ROBO1: variants seen among roughly 807,000 people sequenced by gnomAD.
ROBO1 encodes roundabout guidance receptor 1.
A neutral mutation model predicts 195.9 loss-of-function variants in ROBO1; 149 were observed. That is an observed-to-expected ratio of 0.76 (90% confidence interval 0.67 to 0.87). The LOEUF (loss-of-function observed/expected upper bound fraction) is 0.87. Among genes scored for constraint, ROBO1 ranks in the 40% least tolerant of loss-of-function variants. ROBO1 has a pLI of 0.00. For synonymous variants in ROBO1, 816 were observed against 733.2 expected (o/e 1.11, Z -1.82); for missense variants, 1,933 against 2,068.3 (o/e 0.93, Z 1.27).
chr3:78,709,231 A>G (rs1010527910), intron 8 of ROBO1, among the ~76,000 whole-genome samples: 2 of 152,198 alleles, frequency 1.3e-5, no homozygotes, highest in Non-Finnish European at 2.9e-5. Flanking sequence ...TATCCCAAAC[A>G]GCATTGTTTC....
At chr3:79,337,567 C>T (rs79468872) in intron 2 of ROBO1, among the ~76,000 whole-genome samples, 1 of 152,184 alleles carries the variant, frequency 6.6e-6, no homozygotes, top group Non-Finnish European at 1.5e-5. Context: ...GTCAATTAAA[C>T]CTCTTTCCTT....
chr3:78,638,451 T>C (rs949125440), intron 22 of ROBO1, among the ~76,000 whole-genome samples: 3 of 151,910 alleles, frequency 2.0e-5, no homozygotes, highest in Non-Finnish European at 4.4e-5. Flanking sequence ...CTGTTGTAGA[T>C]TATTATTATT....
rs535639662 is a variant in ROBO1, at chr3:78,945,643, C to A, written c.173-6716G>T. 3.9e-5 allele frequency among the ~76,000 whole-genome samples: 6 copies of A among 152,246 alleles called. No individual in the cohort carries two copies. In the South Asian group the frequency reaches 1.0e-3, roughly 26 times the overall value. ...TCCTCCAAAGGAATGCAGCTCCTCA[C>A]CAGCAACGGAACAAAACTGGATGGA... is the stretch of plus-strand genomic sequence containing the variant. On this transcript the variant is annotated intron_variant, in intron 3 of 30. Transcript: ENST00000464233.
At chr3:78,848,701 T>C (rs936838830) in intron 4 of ROBO1, among the ~76,000 whole-genome samples, 42 of 152,150 alleles carry the variant, frequency 2.8e-4, no homozygotes, top group African/African-American at 9.4e-4. Flanking sequence ...GCGATCATTA[T>C]CAGGTTTGTA....
chr3:79,019,567 T>C lies in ROBO1; in HGVS notation c.173-80640A>G, dbSNP rs75057725. The stretch of plus-strand genomic sequence containing the variant: ...GTGGTCCTTTCCATGCTTCACTCTA[T>C]TCTCCAGGCGCTGGTCAGGCAAGTT... On this transcript the variant is annotated intron_variant, in intron 3 of 30. Coordinates refer to ENST00000464233, the MANE Select transcript of ROBO1 (RefSeq NM_002941.4). 2.6e-3 allele frequency: 2,555 copies of C among 985,440 alleles called. 66 individuals carry two copies. The African/African-American group carries it at 0.041, about 16-fold the overall frequency. 61.0% of individuals were successfully genotyped at this position (985,440 alleles called of 1,614,324 possible). A position where few individuals can be genotyped will look rare whatever the true frequency, so the allele number is the denominator to read the frequency against.
chr3:79,169,125 G>A (rs1283620995), intron 2 of ROBO1, among the ~76,000 whole-genome samples: 1 of 152,136 alleles, frequency 6.6e-6, no homozygotes, highest in Non-Finnish European at 1.5e-5. Flanking sequence ...GATAACCAAA[G>A]AATAGCAAGG....
chr3:79,532,777 A>G (rs1010921725), intron 2 of ROBO1, among the ~76,000 whole-genome samples: 3 of 152,186 alleles, frequency 2.0e-5, no homozygotes, highest in Admixed American at 1.3e-4. Context: ...AGGGAAGCAA[A>G]TATCAGGAGC....
rs199787334 is a variant in ROBO1 at position 78,648,681 on chromosome 3, T to TAA, written c.2813-1028_2813-1027dup. Among the ~76,000 whole-genome samples, 569 of 136,036 alleles carry TAA rather than the reference T, an allele frequency of 4.2e-3. 4 individuals are homozygous for TAA. Among genetic ancestry groups the TAA allele is most frequent in the African/African-American group, 0.014 (513 of 37,512 alleles). 89.2% of individuals were successfully genotyped at this position (136,036 alleles called of 152,430 possible). ...AAATTAAAGTAAACGCTGCTCTGGTTAAAAAAAAAAAAAAGCAAGGAAATA... is the reference window on the plus strand; with the variant it reads ...AAATTAAAGTAAACGCTGCTCTGGTTAAAAAAAAAAAAAAAAGCAAGGAAATA... On this transcript the variant is annotated intron_variant, in intron 19 of 30. Transcript: ENST00000464233.
chr3:79,035,496 G>T (rs2078366796), intron 3 of ROBO1, among the ~76,000 whole-genome samples: 1 of 152,150 alleles, frequency 6.6e-6, no homozygotes, highest in African/African-American at 2.4e-5. Flanking sequence ...CAGGCAGGAG[G>T]ATCACTCGAG....
At position 78,700,388 on chromosome 3, in the gene ROBO1, C is replaced by G. The variant is rs1479510910; in HGVS notation, c.1046-11616G>C. 2.6e-5 allele frequency among the ~76,000 whole-genome samples: 4 copies of G among 152,146 alleles called. No homozygotes were observed. In the East Asian group the frequency reaches 7.7e-4, roughly 29 times the overall value. The stretch of plus-strand genomic sequence containing the variant: ...CTCAAGAATTGGTTTATCTGAAAAA[C>G]TGGAATGTCTATCTTTAAATGGCAT... On this transcript the variant is annotated intron_variant, in intron 8 of 30. Coordinates refer to ENST00000464233, the MANE Select transcript of ROBO1 (RefSeq NM_002941.4).
chr3:79,295,579 C>A (rs996965488), intron 2 of ROBO1, among the ~76,000 whole-genome samples: 11 of 151,950 alleles, frequency 7.2e-5, no homozygotes, highest in Admixed American at 5.3e-4. Flanking sequence ...ACACGTATCC[C>A]TGAACTTAAA....
At chr3:78,831,902 C>T (rs774072601) in intron 4 of ROBO1, among the ~76,000 whole-genome samples, 12 of 152,110 alleles carry the variant, frequency 7.9e-5, no homozygotes, top group African/African-American at 1.4e-4. Flanking sequence ...AGGAAAGACC[C>T]GTCCCCATGA....
chr3:79,169,351 C>T (rs868605781), intron 2 of ROBO1, among the ~76,000 whole-genome samples: 3 of 152,024 alleles, frequency 2.0e-5, no homozygotes, highest in African/African-American at 7.3e-5. Context: ...CTTTTGCTTG[C>T]CGCACAGGCA....
At chr3:78,887,231 T>C (rs1383558171) in intron 4 of ROBO1, among the ~76,000 whole-genome samples, 4 of 152,166 alleles carry the variant, frequency 2.6e-5, no homozygotes, top group Non-Finnish European at 5.9e-5. Context: ...TTAGGAATGC[T>C]GTGAGTCACA....
chr3:78,841,057 G>A (rs554720619), intron 4 of ROBO1, among the ~76,000 whole-genome samples: 23 of 134,786 alleles, frequency 1.7e-4, no homozygotes, highest in Non-Finnish European at 3.4e-4. Flanking sequence ...GCAAGACTGT[G>A]TCTCAAAAAA....
intron 10 of ROBO1, among the ~76,000 whole-genome samples, chr3:78,683,778 A>C (rs2107810727): frequency 6.6e-6 from 1 of 152,190 alleles, no homozygotes; most frequent in Non-Finnish European, 1.5e-5. Context: ...CACAAAAATT[A>C]ACTCAAGGTA....
intron 3 of ROBO1, among the ~76,000 whole-genome samples, chr3:78,996,340 CAAAAAAA>C (rs5850409): frequency 6.7e-6 from 1 of 148,254 alleles, no homozygotes; most frequent in African/African-American, 2.5e-5. Flanking sequence ...AAAAAAAAAA[CAAAAAAA>C]AAAAACTCCC....
At chr3:78,728,817 C>T (rs1466325462) in intron 5 of ROBO1, among the ~76,000 whole-genome samples, 1 of 152,162 alleles carries the variant, frequency 6.6e-6, no homozygotes, top group Non-Finnish European at 1.5e-5. Context: ...GAAAAATAGG[C>T]AATTAGGATC....
intron 2 of ROBO1, among the ~76,000 whole-genome samples, chr3:79,492,861 A>T (rs1939538646): frequency 6.6e-6 from 1 of 152,110 alleles, no homozygotes. Context: ...CTAAAAAGAC[A>T]CACAACTAAG....
Sources: allele counts gnomAD v4.1 joint callset (sites outside exome capture counted in the v4.1 genomes callset), GRCh38; gene constraint gnomAD v4.1.1; transcripts MANE v1.5; gene names NCBI Gene and HGNC (gene_info 2026-07-23, HGNC 2026-07-21).